The following TCP11L2 variants were observed in gnomAD, a reference collection of about 807,000 sequenced individuals.
The protein encoded by TCP11L2 is t-complex 11 like 2, also known as T-complex protein 11-like protein 2.
TCP11L2 carries 39 observed loss-of-function variants against 50.7 expected under a neutral mutation model. That is an observed-to-expected ratio of 0.77 (90% CI 0.60 to 1.01). TCP11L2 has a LOEUF of 1.01. Among genes scored for constraint, TCP11L2 ranks in the 50% least tolerant of loss-of-function variants. The pLI is 0.00. For synonymous variants in TCP11L2, 192 were observed against 219.3 expected (o/e 0.88, Z 1.10); for missense variants, 612 against 614.7 (o/e 1.00, Z 0.05).
At chr12:106,333,842 A>C (rs2035824565) in intron 6 of TCP11L2, among the ~76,000 whole-genome samples, 1 of 152,184 alleles carries the variant, frequency 6.6e-6, no homozygotes, top group African/African-American at 2.4e-5. Flanking sequence ...AGTGTTCTGT[A>C]CTGGGCATCT....
chr12:106,308,297 C>T (rs2034712370), intron 1 of TCP11L2, among the ~76,000 whole-genome samples: 1 of 152,180 alleles, frequency 6.6e-6, no homozygotes, highest in African/African-American at 2.4e-5. Flanking sequence ...CTGGCCCAAC[C>T]TCTCAGAAAA....
At chr12:106,339,919 AC>A (rs749952183) in intron 8 of TCP11L2, among the ~76,000 whole-genome samples, 6 of 152,216 alleles carry the variant, frequency 3.9e-5, no homozygotes, top group Non-Finnish European at 7.3e-5. Flanking sequence ...AAACATGATA[AC>A]CTATTTTTCT....
intron 1 of TCP11L2, 114 bp from the exon 2 acceptor site, chr12:106,310,927 G>A: frequency 1.1e-6 from 1 of 899,604 alleles, no homozygotes; most frequent in South Asian, 1.7e-5. Flanking sequence ...GTCATCTGGG[G>A]GCCTTTCCAA....
chr12:106,320,776 T>G (rs556062017), intron 4 of TCP11L2, among the ~76,000 whole-genome samples: 1 of 152,228 alleles, frequency 6.6e-6, no homozygotes, highest in Admixed American at 6.5e-5. Flanking sequence ...GTCATACAGA[T>G]GCACAACAAT....
chr12:106,324,780 G>A (rs943058288), intron 6 of TCP11L2: 2 of 152,184 alleles, frequency 1.3e-5, no homozygotes, highest in Non-Finnish European at 1.5e-5. Flanking sequence ...GTGACTCTAA[G>A]GTTTTTGGCC....
intron 8 of TCP11L2, 54 bp downstream of exon 8, chr12:106,336,267 T>C: frequency 6.7e-7 from 1 of 1,500,022 alleles, no homozygotes; most frequent in Non-Finnish European, 9.0e-7. Flanking sequence ...TCTGCATGTG[T>C]CTCAGAGAAC....
rs2035426207 is a variant in TCP11L2, at chr12:106,323,625, G to A, written c.751G>A (p.Glu251Lys). Residue 251 changes from glutamate to lysine, a missense_variant, in exon 6 of 10, where the codon GAA (glutamate) becomes AAA (lysine). By Grantham distance (56) the Glu-to-Lys change is moderately conservative (BLOSUM62 1). Coordinates refer to ENST00000299045, the MANE Select transcript of TCP11L2 (RefSeq NM_152772.3). ...LVEYERTKFQ[E>K]ILEETPSALD... ...GGAATATGAGAGAACCAAGTTCCAG[G>A]AAATTTTGGAAGAAACTCCAAGTGA... is the stretch of plus-strand genomic sequence containing the variant. 1.9e-6 allele frequency: 3 copies of A among 1,599,854 alleles called. No individual in the cohort carries two copies. The highest frequency in any genetic ancestry group is 2.6e-6 in the Non-Finnish European group (3 of 1,173,266).
chr12:106,312,389 A>G, intron 2 of TCP11L2: 12 of 1,237,222 alleles, frequency 9.7e-6, no homozygotes, highest in Non-Finnish European at 1.2e-5. Flanking sequence ...TTTAAGGAGA[A>G]TCTTGAGTCA....
rs1235140957 is a variant in TCP11L2, at chr12:106,346,346, T to G, written c.1376T>G (p.Met459Arg). The change falls in exon 10 of 10, where the codon ATG becomes AGG. Residue 459 changes from methionine (M) to arginine (R), a missense_variant. By Grantham distance (91) the Met-to-Arg change is moderately conservative. Transcript: ENST00000299045. ...TGTCTTCCAAGCCCTCAAAAATGCA[T>G]GCCTCCTATGCCAGGAGGCCTAGCT... ...LLCLPSPQKCMPPMPGGLAVI... is the reference protein window; with the variant it reads ...LLCLPSPQKCRPPMPGGLAVI... 5 of 1,613,858 alleles carry G rather than the reference T, an allele frequency of 3.1e-6. No homozygotes were observed. The highest frequency in any genetic ancestry group is 4.2e-6 in the Non-Finnish European group (5 of 1,179,856).
chr12:106,338,418 T>G, intron 8 of TCP11L2, among the ~76,000 whole-genome samples: 1 of 152,240 alleles, frequency 6.6e-6, no homozygotes, highest in Admixed American at 6.5e-5. Context: ...ATGTGGTATT[T>G]GGTTTTCTGT....
intron 3 of TCP11L2, 75 bp downstream of exon 3, chr12:106,314,568 T>TGAGA (rs1309694889): frequency 8.0e-6 from 8 of 1,005,202 alleles, no homozygotes; most frequent in East Asian, 5.2e-5. Flanking sequence ...TGTGTGTGTG[T>TGAGA]GTGTGTGTGA....
chr12:106,300,151 GT>G (rs1291439144), upstream of TCP11L2, among the ~76,000 whole-genome samples: 1 of 151,418 alleles, frequency 6.6e-6, no homozygotes, highest in African/African-American at 2.4e-5. Flanking sequence ...TTCTAAAGAG[GT>G]TGCCTTTTCA....
chr12:106,299,667 A>G (rs1245853536), upstream of TCP11L2, among the ~76,000 whole-genome samples: 1 of 152,198 alleles, frequency 6.6e-6, no homozygotes, highest in East Asian at 1.9e-4. Context: ...AAACACAGTA[A>G]GAGAAGCCTC....
upstream of TCP11L2, among the ~76,000 whole-genome samples, chr12:106,301,673 A>T (rs540827580): frequency 5.1e-4 from 78 of 152,368 alleles, no homozygotes; most frequent in African/African-American, 1.7e-3. Context: ...TCATGTAAGT[A>T]GTTCCTGCAT....
chr12:106,310,528 A>G (rs1235412069), intron 1 of TCP11L2, among the ~76,000 whole-genome samples: 5 of 152,240 alleles, frequency 3.3e-5, no homozygotes, highest in Non-Finnish European at 7.3e-5. Flanking sequence ...AATAGCAGCT[A>G]ACATTTGAGT....
chr12:106,300,964 CA>C (rs2034399043), upstream of TCP11L2, among the ~76,000 whole-genome samples: 1 of 152,214 alleles, frequency 6.6e-6, no homozygotes, highest in Non-Finnish European at 1.5e-5. Context: ...TAAATCCTTA[CA>C]AAGCTAACAA....
chr12:106,340,778 T>G, intron 8 of TCP11L2, 48 bp from the exon 9 acceptor site: 1 of 1,500,120 alleles, frequency 6.7e-7, no homozygotes, highest in South Asian at 1.3e-5. Flanking sequence ...AATAATAACT[T>G]GATGAACAAA....
intron 9 of TCP11L2, 29 bp downstream of exon 9, chr12:106,341,027 A>T (rs1434517830): frequency 2.5e-6 from 4 of 1,575,802 alleles, no homozygotes; most frequent in Non-Finnish European, 3.4e-6. Context: ...TTCTGCTTCA[A>T]TTCCAATTTG....
At chr12:106,312,489 A>C (rs2034899709) in intron 2 of TCP11L2, 1 of 1,002,526 alleles carries the variant, frequency 1.0e-6, no homozygotes, top group Admixed American at 5.7e-5. Flanking sequence ...TGCATCTGAC[A>C]CCAGGGTACC....
Sources: gnomAD v4.1 joint callset for allele counts (sites outside exome capture counted in the v4.1 genomes callset) on GRCh38, gnomAD v4.1.1 for gene constraint, MANE v1.5 for transcripts, NCBI Gene and HGNC (gene_info 2026-07-23, HGNC 2026-07-21) for gene names.